SUMF1: variants seen among roughly 807,000 people sequenced by gnomAD.
The protein encoded by SUMF1 is sulfatase modifying factor 1.
Under a neutral mutation model 47.6 loss-of-function variants are expected in SUMF1, and 48 were observed. The ratio of observed to expected loss-of-function variants is 1.01; its 90% CI spans 0.80 to 1.28. The LOEUF is 1.28. Among genes scored for constraint, SUMF1 ranks in the 50% most tolerant of loss-of-function variants. SUMF1 has a pLI of 0.00. For synonymous variants in SUMF1, 230 were observed against 192.1 expected, an observed-to-expected ratio of 1.20 and a Z score of -1.63; for missense variants, 571 against 485.4, an observed-to-expected ratio of 1.18 and a Z score of -1.66.
intron 8 of SUMF1, among the ~76,000 whole-genome samples, chr3:4,170,862 T>C (rs1484676841): frequency 6.6e-6 from 1 of 152,202 alleles, no homozygotes; most frequent in Non-Finnish European, 1.5e-5. Flanking sequence ...TTTCTCTTCA[T>C]GGTTTGTAGG....
intron 7 of SUMF1, among the ~76,000 whole-genome samples, chr3:4,395,921 G>C (rs984718254): frequency 1.3e-5 from 2 of 152,164 alleles, no homozygotes; most frequent in Non-Finnish European, 2.9e-5. Context: ...GCACATTACA[G>C]TTGGATATTG....
chr3:4,134,250 G>T (rs982851740), intron 8 of SUMF1, among the ~76,000 whole-genome samples: 1 of 152,060 alleles, frequency 6.6e-6, no homozygotes. Context: ...TAAAAGAACA[G>T]AAATTATAAC....
At chr3:4,390,540 T>A (rs1045203111) in intron 7 of SUMF1, among the ~76,000 whole-genome samples, 1 of 152,210 alleles carries the variant, frequency 6.6e-6, no homozygotes, top group African/African-American at 2.4e-5. Flanking sequence ...TGTTAGCATT[T>A]CTGGGTTGCT....
chr3:4,365,855 C>T (rs996141992), intron 8 of SUMF1, among the ~76,000 whole-genome samples: 13 of 151,916 alleles, frequency 8.6e-5, no homozygotes, highest in African/African-American at 2.2e-4. Context: ...TGGCTGGTAC[C>T]GGTTGTTCCT....
intron 9 of SUMF1, among the ~76,000 whole-genome samples, chr3:4,050,332 T>C (rs1695084330): frequency 8.5e-5 from 13 of 152,048 alleles, no homozygotes. Flanking sequence ...TCTATTGTTA[T>C]AAAATCACTG....
chr3:4,401,544 C>T (rs1350412917), intron 7 of SUMF1, among the ~76,000 whole-genome samples: 3 of 152,096 alleles, frequency 2.0e-5, no homozygotes, highest in East Asian at 1.9e-4. Context: ...TTACTGTACC[C>T]GTGGGAATGG....
chr3:4,433,134 C>T (rs1277715021), intron 3 of SUMF1, among the ~76,000 whole-genome samples: 1 of 152,202 alleles, frequency 6.6e-6, no homozygotes, highest in Non-Finnish European at 1.5e-5. Context: ...CTCTACTCAA[C>T]AGTTTACCTT....
intron 8 of SUMF1, among the ~76,000 whole-genome samples, chr3:4,221,675 G>C (rs941667142): frequency 1.3e-5 from 2 of 152,102 alleles, no homozygotes; most frequent in African/African-American, 4.8e-5. Context: ...CACTGTGCAA[G>C]GAAATCAGAA....
intron 8 of SUMF1, among the ~76,000 whole-genome samples, chr3:4,227,013 A>G (rs760423855): frequency 2.0e-5 from 3 of 152,030 alleles, no homozygotes; most frequent in Non-Finnish European, 2.9e-5. Context: ...GGGAGTTTCC[A>G]TTTCTGGCAC....
At chr3:4,321,340 T>C (rs142173475) in intron 8 of SUMF1, among the ~76,000 whole-genome samples, 1 of 152,084 alleles carries the variant, frequency 6.6e-6, no homozygotes, top group Non-Finnish European at 1.5e-5. Context: ...ACCCAGATCT[T>C]GATTTTTATA....
chr3:4,203,158 C>T (rs1377607067), intron 8 of SUMF1, among the ~76,000 whole-genome samples: 1 of 151,886 alleles, frequency 6.6e-6, no homozygotes, highest in Non-Finnish European at 1.5e-5. Context: ...GGTTTTCTGT[C>T]TAAAGGTCTC....
chr3:4,289,684 A>C (rs1697702830), intron 8 of SUMF1, among the ~76,000 whole-genome samples: 1 of 152,122 alleles, frequency 6.6e-6, no homozygotes, highest in South Asian at 2.1e-4. Context: ...CTCTTAATTT[A>C]AACCCATTTT....
At chr3:4,211,132 A>ACT (rs1695776212) in intron 8 of SUMF1, among the ~76,000 whole-genome samples, 1 of 135,378 alleles carries the variant, frequency 7.4e-6, no homozygotes, top group Non-Finnish European at 1.6e-5. Context: ...ACACACACAC[A>ACT]CACATATATA....
chr3:4,146,058 C>T (rs558364495), intron 8 of SUMF1, among the ~76,000 whole-genome samples: 1 of 152,136 alleles, frequency 6.6e-6, no homozygotes, highest in Non-Finnish European at 1.5e-5. Flanking sequence ...CAGGCAAGTA[C>T]TTGACCTTCA....
At chr3:4,223,195 T>C (rs1696105477) in intron 8 of SUMF1, among the ~76,000 whole-genome samples, 1 of 152,204 alleles carries the variant, frequency 6.6e-6, no homozygotes, top group African/African-American at 2.4e-5. Flanking sequence ...ACTGCTTGTC[T>C]GGCTTCTTCT....
intron 8 of SUMF1, among the ~76,000 whole-genome samples, chr3:4,280,299 C>A (rs567975886): frequency 6.6e-6 from 1 of 151,930 alleles, no homozygotes; most frequent in Non-Finnish European, 1.5e-5. Context: ...TCAAGAACAC[C>A]CCGGGGTCCT....
chr3:4,226,450 A>T (rs1696177405), intron 8 of SUMF1, among the ~76,000 whole-genome samples: 1 of 151,468 alleles, frequency 6.6e-6, no homozygotes, highest in South Asian at 2.1e-4. Flanking sequence ...TTGTCTTTTT[A>T]GTAGAGACGG....
At chr3:4,130,683 G>A (rs1693768513) in intron 8 of SUMF1, among the ~76,000 whole-genome samples, 2 of 151,970 alleles carry the variant, frequency 1.3e-5, no homozygotes, top group South Asian at 2.1e-4. Context: ...TAGGATGAAG[G>A]ATAAGTTGCT....
chr3:4,198,954 G>A (rs759367322), intron 8 of SUMF1, among the ~76,000 whole-genome samples: 2 of 152,110 alleles, frequency 1.3e-5, no homozygotes, highest in Non-Finnish European at 2.9e-5. Flanking sequence ...TTATCCCTCT[G>A]AAATGCTTCC....
Sources: gnomAD v4.1 joint callset for allele counts (sites outside exome capture counted in the v4.1 genomes callset) on GRCh38, gnomAD v4.1.1 for gene constraint, MANE v1.5 for transcripts, NCBI Gene and HGNC (gene_info 2026-07-23, HGNC 2026-07-21) for gene names.